Variants in GSE1 observed in about 807,000 individuals in gnomAD.
GSE1 encodes the protein genetic suppressor element 1.
A neutral mutation model predicts 112.6 loss-of-function variants in GSE1; 32 were observed. The observed-to-expected ratio is 0.28, with a 90% CI of 0.21 to 0.38. The LOEUF is 0.38. Ranked by LOEUF, GSE1 falls within the 10% of genes least tolerant of loss-of-function variation. The probability of loss-of-function intolerance (pLI) is 1.00; values close to 1 mark genes in which losing one functional copy is unlikely to be tolerated. For synonymous variants in GSE1, 1,115 were observed against 735.6 expected (o/e 1.52, Z -8.35); for missense variants, 2,348 against 1,699.2 (o/e 1.38, Z -6.71).
At chr16:85,233,462 C>T (rs539767191) in intron 1 of GSE1, among the ~76,000 whole-genome samples, 1 of 152,332 alleles carries the variant, frequency 6.6e-6, no homozygotes, top group South Asian at 2.1e-4. Context: ...TTCTCTCCTC[C>T]TGAGGGGTGG....
At chr16:85,329,304 G>A (rs2046290526) in intron 1 of GSE1, among the ~76,000 whole-genome samples, 1 of 152,162 alleles carries the variant, frequency 6.6e-6, no homozygotes, top group African/African-American at 2.4e-5. Flanking sequence ...AGTGGAGAAG[G>A]ACCTTCGGAG....
intron 2 of GSE1, among the ~76,000 whole-genome samples, chr16:85,646,427 C>T (rs1192714528): frequency 1.3e-5 from 2 of 152,244 alleles, no homozygotes; most frequent in Admixed American, 6.5e-5. Flanking sequence ...CCTGAACGCA[C>T]GGTGCTGCTG....
intron 2 of GSE1, among the ~76,000 whole-genome samples, chr16:85,397,678 C>T (rs945331025): frequency 1.3e-5 from 2 of 152,236 alleles, no homozygotes; most frequent in African/African-American, 4.8e-5. Context: ...TGCCATCTGG[C>T]CCCCTCTGGA....
At chr16:85,479,236 G>A (rs2050598180) in intron 2 of GSE1, among the ~76,000 whole-genome samples, 1 of 119,516 alleles carries the variant, frequency 8.4e-6, no homozygotes, top group African/African-American at 3.3e-5. Context: ...GTTTCACCGT[G>A]TTAGCCAGGA....
chr16:85,360,146 A>C (rs2047032546), intron 2 of GSE1, among the ~76,000 whole-genome samples: 1 of 151,882 alleles, frequency 6.6e-6, no homozygotes, highest in Non-Finnish European at 1.5e-5. Context: ...GGGGCTGGTC[A>C]CTCCTGAGTC....
intron 2 of GSE1, among the ~76,000 whole-genome samples, chr16:85,514,677 A>G (rs2051867704): frequency 6.6e-6 from 1 of 151,736 alleles, no homozygotes; most frequent in Non-Finnish European, 1.5e-5. Context: ...ATTGCCAGAA[A>G]CCTCTCATTC....
intron 2 of GSE1, among the ~76,000 whole-genome samples, chr16:85,483,769 G>A (rs2050754151): frequency 6.6e-6 from 1 of 152,266 alleles, no homozygotes; most frequent in Admixed American, 6.5e-5. Flanking sequence ...GCTTGCCGCC[G>A]GGATGCTGCG....
chr16:85,393,006 G>A (rs1428583325), intron 2 of GSE1, among the ~76,000 whole-genome samples: 2 of 152,200 alleles, frequency 1.3e-5, no homozygotes, highest in East Asian at 1.9e-4. Context: ...CATAAGGACC[G>A]CAGGCTGGTC....
At chr16:85,341,700 A>G (rs938897897) in intron 1 of GSE1, among the ~76,000 whole-genome samples, 7 of 151,354 alleles carry the variant, frequency 4.6e-5, no homozygotes, top group Non-Finnish European at 8.8e-5. Flanking sequence ...GGATGTTGCT[A>G]TGTTGCCCAG....
intron 2 of GSE1, among the ~76,000 whole-genome samples, chr16:85,485,512 G>A (rs1355246569): frequency 2.6e-5 from 4 of 152,240 alleles, no homozygotes; most frequent in Admixed American, 6.5e-5. Flanking sequence ...GGCGCCTGCC[G>A]CCTGCCGTTC....
intron 1 of GSE1, among the ~76,000 whole-genome samples, chr16:85,305,349 A>G (rs1006761003): frequency 3.9e-5 from 6 of 152,080 alleles, no homozygotes; most frequent in African/African-American, 1.4e-4. Flanking sequence ...CAATGGTACA[A>G]TCATGGCTCC....
intron 1 of GSE1, among the ~76,000 whole-genome samples, chr16:85,197,086 T>A (rs773962684): frequency 6.6e-6 from 1 of 152,170 alleles, no homozygotes; most frequent in Non-Finnish European, 1.5e-5. Flanking sequence ...GATTTATCGA[T>A]CAGCCATTTA....
intron 1 of GSE1, among the ~76,000 whole-genome samples, chr16:85,568,293 G>A (rs2045842962): frequency 6.6e-6 from 1 of 152,230 alleles, no homozygotes; most frequent in Non-Finnish European, 1.5e-5. Flanking sequence ...CCCTGGTGGG[G>A]AGGCTGGTAG....
intron 1 of GSE1, among the ~76,000 whole-genome samples, chr16:85,562,438 G>A (rs186667539): frequency 1.4e-4 from 22 of 152,156 alleles, no homozygotes; most frequent in Non-Finnish European, 2.5e-4. Flanking sequence ...GTGGGAACCT[G>A]ATATAGTCCC....
chr16:85,173,963 C>T (rs1008523405), intron 1 of GSE1, among the ~76,000 whole-genome samples: 2 of 152,110 alleles, frequency 1.3e-5, no homozygotes, highest in Admixed American at 6.6e-5. Context: ...ATTTTATAGA[C>T]GAGTCAACCA....
intron 2 of GSE1, among the ~76,000 whole-genome samples, chr16:85,495,021 G>A (rs966140589): frequency 2.6e-5 from 4 of 152,234 alleles, no homozygotes; most frequent in South Asian, 4.1e-4. Flanking sequence ...GGTCCGGCCC[G>A]GCCCAGGAGT....
intron 1 of GSE1, among the ~76,000 whole-genome samples, chr16:85,579,160 C>T (rs779924920): frequency 8.0e-4 from 121 of 152,188 alleles, no homozygotes; most frequent in Non-Finnish European, 1.5e-3. Flanking sequence ...AGCTTCTGGG[C>T]TTGGGGGAAC....
intron 1 of GSE1, among the ~76,000 whole-genome samples, chr16:85,173,844 G>T (rs1206131376): frequency 6.6e-6 from 1 of 152,156 alleles, no homozygotes; most frequent in Non-Finnish European, 1.5e-5. Context: ...GCCCAGAAGG[G>T]GTCAGCATGG....
chr16:85,463,188 G>T, intron 2 of GSE1: 1 of 858,186 alleles, frequency 1.2e-6, no homozygotes, highest in Non-Finnish European at 1.4e-6. Context: ...GAACTTTCTG[G>T]GGCGCGCCAC....
Sources: gnomAD v4.1 joint callset for allele counts (sites outside exome capture counted in the v4.1 genomes callset) on GRCh38, gnomAD v4.1.1 for gene constraint, MANE v1.5 for transcripts, NCBI Gene and HGNC (gene_info 2026-07-23, HGNC 2026-07-21) for gene names.